Variants in RNGTT observed in about 807,000 individuals in gnomAD.
RNGTT encodes mRNA-capping enzyme.
RNGTT carries 33 observed loss-of-function variants against 79.3 expected under a neutral mutation model. That is an observed-to-expected ratio of 0.42 (90% confidence interval 0.32 to 0.56). The LOEUF is 0.56. RNGTT is among the 20% of genes least tolerant of loss of function. The probability of loss-of-function intolerance (pLI) is 0.17; values close to 1 mark genes in which losing one functional copy is unlikely to be tolerated. For missense variants in RNGTT, 497 were observed against 739.1 expected, an observed-to-expected ratio of 0.67 and a Z score of 3.80; for synonymous variants, 222 against 235.9, an observed-to-expected ratio of 0.94 and a Z score of 0.54.
chr6:88,812,030 T>C (rs572292127), intron 11 of RNGTT, among the ~76,000 whole-genome samples: 1 of 152,296 alleles, frequency 6.6e-6, no homozygotes, highest in Admixed American at 6.5e-5. Context: ...TTCTGTACTC[T>C]GAATGTCCTT....
At chr6:88,721,661 G>C (rs1259180855) in intron 13 of RNGTT, among the ~76,000 whole-genome samples, 1 of 151,972 alleles carries the variant, frequency 6.6e-6, no homozygotes, top group Non-Finnish European at 1.5e-5. Context: ...TCTACCTACT[G>C]TTTATATCTC....
At chr6:88,819,200 G>C (rs1016963169) in intron 11 of RNGTT, among the ~76,000 whole-genome samples, 2 of 151,838 alleles carry the variant, frequency 1.3e-5, no homozygotes, top group Non-Finnish European at 2.9e-5. Context: ...TATATTTTTT[G>C]GTAGATAAAA....
intron 2 of RNGTT, among the ~76,000 whole-genome samples, chr6:88,936,580 A>G (rs116100285): frequency 6.6e-6 from 1 of 152,280 alleles, no homozygotes; most frequent in Admixed American, 6.5e-5. Flanking sequence ...AGTTTTTATC[A>G]TGAAGGGATG....
chr6:88,750,204 C>G (rs2127829881), intron 13 of RNGTT, among the ~76,000 whole-genome samples: 1 of 152,248 alleles, frequency 6.6e-6, no homozygotes, highest in East Asian at 1.9e-4. Context: ...CAACCCACTA[C>G]ACCAGGCAAA....
At chr6:88,948,553 C>T (rs1000820861) in intron 1 of RNGTT, among the ~76,000 whole-genome samples, 3 of 148,676 alleles carry the variant, frequency 2.0e-5, no homozygotes, top group Non-Finnish European at 4.5e-5. Context: ...TCTGCCCAGC[C>T]GCCCCTACTG....
chr6:88,769,436 A>G (rs1562243095), intron 13 of RNGTT, among the ~76,000 whole-genome samples: 2 of 152,174 alleles, frequency 1.3e-5, no homozygotes, highest in African/African-American at 2.4e-5. Flanking sequence ...CTAGGATTAC[A>G]GGCATGAGCC....
chr6:88,748,928 T>C (rs1242151847), intron 13 of RNGTT, among the ~76,000 whole-genome samples: 1 of 151,514 alleles, frequency 6.6e-6, no homozygotes, highest in African/African-American at 2.4e-5. Flanking sequence ...GTACATCAAA[T>C]ACAAAGATTG....
chr6:88,856,761 T>C lies in RNGTT; in HGVS notation c.897-2997A>G, dbSNP rs188731363. 1.8e-4 allele frequency among the ~76,000 whole-genome samples: 28 copies of C among 152,290 alleles called. No homozygotes were observed. The East Asian group carries it at 4.4e-3, about 24-fold the overall frequency. ...GATACTAACAAAAAGTAAGGAGCTA[T>C]TTCATGTAAGGAATGTGGAAATATT... On this transcript the variant is annotated intron_variant, in intron 8 of 15. Transcript: ENST00000369485.
chr6:88,928,081 G>A (rs1343926812), intron 4 of RNGTT, among the ~76,000 whole-genome samples: 1 of 151,630 alleles, frequency 6.6e-6, no homozygotes, highest in African/African-American at 2.4e-5. Context: ...GGGTAGTGGT[G>A]TGTGCCTGTA....
At chr6:88,669,122 A>G (rs1017976633) in intron 14 of RNGTT, among the ~76,000 whole-genome samples, 2 of 152,152 alleles carry the variant, frequency 1.3e-5, no homozygotes, top group African/African-American at 2.4e-5. Context: ...CTAGGAATTG[A>G]TGGAACTGGG....
rs1035871874 is a variant in RNGTT at position 88,963,473 on chromosome 6, C to G, written c.-64G>C. On this transcript the variant is annotated 5_prime_UTR_variant, in exon 1 of 16. Transcript: ENST00000369485. ...TTCACCGCGCCTTTGGAGCCGCCTCCCCGTGGTCCGGTGCACACCGGGGTC... is the reference window on the plus strand; with the variant it reads ...TTCACCGCGCCTTTGGAGCCGCCTCGCCGTGGTCCGGTGCACACCGGGGTC... 6.8e-7 allele frequency: 1 copy of G among 1,474,782 alleles called. No homozygotes were observed. Among genetic ancestry groups the G allele is most frequent in the African/African-American group, 1.4e-5 (1 of 69,842 alleles). The allele number at this position is 1,474,782 out of a possible 1,614,324, so 91.4% of individuals were successfully genotyped here. A position where few individuals can be genotyped will look rare whatever the true frequency, so the allele number is the denominator to read the frequency against.
chr6:88,801,023 C>T (rs560477026), intron 12 of RNGTT, among the ~76,000 whole-genome samples: 1 of 152,270 alleles, frequency 6.6e-6, no homozygotes, highest in South Asian at 2.1e-4. Context: ...GAGTAAAATA[C>T]AACTTACTTC....
intron 14 of RNGTT, among the ~76,000 whole-genome samples, chr6:88,640,764 T>G (rs1301397356): frequency 6.6e-6 from 1 of 152,106 alleles, no homozygotes. Flanking sequence ...GCTGTGACAT[T>G]ACAGTTCACC....
intron 11 of RNGTT, among the ~76,000 whole-genome samples, chr6:88,809,504 G>A (rs189639672): frequency 1.1e-4 from 16 of 151,870 alleles, no homozygotes; most frequent in African/African-American, 2.9e-4. Context: ...TCCTAAATGC[G>A]TACAACACAT....
chr6:88,942,128 T>C (rs530225890), intron 1 of RNGTT, among the ~76,000 whole-genome samples: 2 of 151,754 alleles, frequency 1.3e-5, no homozygotes, highest in East Asian at 3.9e-4. Context: ...TATTATCAGG[T>C]TGGAACTTTC....
intron 14 of RNGTT, among the ~76,000 whole-genome samples, chr6:88,636,834 G>A (rs1305657380): frequency 6.6e-6 from 1 of 151,058 alleles, no homozygotes; most frequent in Admixed American, 6.6e-5. Flanking sequence ...GGCAGTTTAA[G>A]GACAATTCTA....
intron 8 of RNGTT, among the ~76,000 whole-genome samples, chr6:88,877,879 T>G (rs910298243): frequency 6.6e-6 from 1 of 152,140 alleles, no homozygotes; most frequent in African/African-American, 2.4e-5. Flanking sequence ...CCTGGATCCC[T>G]AACTATAGTT....
chr6:88,724,940 C>T (rs1219922650), intron 13 of RNGTT, among the ~76,000 whole-genome samples: 1 of 152,192 alleles, frequency 6.6e-6, no homozygotes, highest in Non-Finnish European at 1.5e-5. Flanking sequence ...GACACAGCAG[C>T]AGGGGCCACA....
intron 12 of RNGTT, among the ~76,000 whole-genome samples, chr6:88,796,339 T>C (rs1779602536): frequency 6.6e-6 from 1 of 152,166 alleles, no homozygotes; most frequent in African/African-American, 2.4e-5. Flanking sequence ...GTTTCTTCCA[T>C]AGTATAATTT....
Sources: gnomAD v4.1 joint callset for allele counts (sites outside exome capture counted in the v4.1 genomes callset) on GRCh38, gnomAD v4.1.1 for gene constraint, MANE v1.5 for transcripts, NCBI Gene and HGNC (gene_info 2026-07-23, HGNC 2026-07-21) for gene names.